RAPGEF4: variants seen among roughly 807,000 people sequenced by gnomAD.
RAPGEF4 encodes the protein Rap guanine nucleotide exchange factor 4.
Under a neutral mutation model 147.9 loss-of-function variants are expected in RAPGEF4, and 66 were observed. The ratio of observed to expected loss-of-function variants is 0.45; its 90% CI spans 0.37 to 0.55. The LOEUF (loss-of-function observed/expected upper bound fraction) is 0.55, where lower values mean the gene tolerates loss of function less well. Among genes scored for constraint, RAPGEF4 ranks in the 20% least tolerant of loss-of-function variants. The pLI, the probability that RAPGEF4 is intolerant of heterozygous loss-of-function variation, is 0.00. For synonymous variants in RAPGEF4, 419 were observed against 442.7 expected (o/e 0.95, Z 0.67); for missense variants, 1,071 against 1,257.3 (o/e 0.85, Z 2.24).
At chr2:172,835,000 A>G (rs533046763) in intron 4 of RAPGEF4, among the ~76,000 whole-genome samples, 31 of 152,270 alleles carry the variant, frequency 2.0e-4, no homozygotes, top group Admixed American at 3.9e-4. Flanking sequence ...TGAGCTATGT[A>G]GGAGTTTTTG....
chr2:172,801,625 CTAGA>C (rs1285231138), intron 3 of RAPGEF4, among the ~76,000 whole-genome samples: 3 of 150,882 alleles, frequency 2.0e-5, no homozygotes, highest in Non-Finnish European at 4.4e-5. Flanking sequence ...ATTTTAGAGG[CTAGA>C]TATTCAACAG....
chr2:172,890,419 G>A (rs774856881), intron 4 of RAPGEF4, among the ~76,000 whole-genome samples: 3 of 152,234 alleles, frequency 2.0e-5, no homozygotes, highest in African/African-American at 4.8e-5. Flanking sequence ...TCGCAAGGAA[G>A]TTAGGCTTTA....
chr2:172,882,640 G>A (rs748303168), intron 4 of RAPGEF4, among the ~76,000 whole-genome samples: 2 of 152,142 alleles, frequency 1.3e-5, no homozygotes, highest in African/African-American at 2.4e-5. Context: ...ACTTAGCATT[G>A]TCATTTCATC....
chr2:173,043,170 T>C (rs1292864847), intron 29 of RAPGEF4, among the ~76,000 whole-genome samples: 1 of 152,206 alleles, frequency 6.6e-6, no homozygotes, highest in African/African-American at 2.4e-5. Flanking sequence ...ATGGTGTAAA[T>C]GTGGTTTTAC....
At chr2:172,954,406 T>C (rs1482884323) in intron 6 of RAPGEF4, among the ~76,000 whole-genome samples, 3 of 152,186 alleles carry the variant, frequency 2.0e-5, no homozygotes, top group Non-Finnish European at 4.4e-5. Flanking sequence ...AAGCGACAAC[T>C]TTCAAGCTCT....
At chr2:173,048,790 G>A (rs1685824033) in intron 30 of RAPGEF4, 136 bp downstream of exon 30, 4 of 1,473,290 alleles carry the variant, frequency 2.7e-6, no homozygotes. Flanking sequence ...AATTCCATGA[G>A]ATAGGGGCCT....
At chr2:172,919,815 A>G (rs1684528390) in intron 5 of RAPGEF4, among the ~76,000 whole-genome samples, 1 of 151,936 alleles carries the variant, frequency 6.6e-6, no homozygotes, top group South Asian at 2.1e-4. Context: ...GTTTCTGACA[A>G]TTCCATTGTT....
rs749149135 is a variant in RAPGEF4 at position 173,020,662 on chromosome 2, C to G, written c.2200C>G (p.Leu734Val). 2 of 1,613,908 alleles carry G rather than the reference C, an allele frequency of 1.2e-6. No homozygotes were observed. The highest frequency in any genetic ancestry group is 1.7e-5 in the Admixed American group (1 of 59,952). Residue 734 changes from leucine to valine, a missense_variant, in exon 23 of 31, where the codon CTC becomes GTC. Leu to Val is a conservative substitution (Grantham distance 32). Transcript: ENST00000397081. ...KPNDVSVFTTLTINGRLFACP... is the reference protein window; with the variant it reads ...KPNDVSVFTTVTINGRLFACP... ...TAATGATGTTTCAGTATTTACGACGCTCACCATTAATGGACGCCTGTTTGC... is the reference window on the plus strand; with the variant it reads ...TAATGATGTTTCAGTATTTACGACGGTCACCATTAATGGACGCCTGTTTGC...
chr2:172,853,437 TATC>T (rs1258905609), intron 4 of RAPGEF4, among the ~76,000 whole-genome samples: 1 of 152,046 alleles, frequency 6.6e-6, no homozygotes, highest in African/African-American at 2.4e-5. Flanking sequence ...TTATTATAGT[TATC>T]ATCTTTTCAG....
intron 5 of RAPGEF4, among the ~76,000 whole-genome samples, chr2:172,919,921 C>T (rs964210380): frequency 1.3e-5 from 2 of 152,066 alleles, no homozygotes; most frequent in Admixed American, 6.6e-5. Flanking sequence ...CCTTCCTTTG[C>T]ATGTTCACAG....
Position 173,027,313 on chromosome 2 carries a change from T to A in RAPGEF4, c.2558+54T>A, listed in dbSNP as rs948404272. ...AAAAAATGTTGAGCTGTGTTTTCAT[T>A]TTGTTTTCTTAGACTACACCTTAAA... On this transcript the variant is annotated intron_variant, in intron 25 of 30. Transcript: ENST00000397081. The A allele has an allele frequency of 3.5e-6, 5 of 1,442,096 alleles. No individual in the cohort carries two copies. In the African/African-American group the frequency reaches 7.2e-5, roughly 21 times the overall value. The allele number at this position is 1,442,096 out of a possible 1,614,324, so 89.3% of individuals were successfully genotyped here. A position where few individuals can be genotyped will look rare whatever the true frequency, so the allele number is the denominator to read the frequency against.
Position 172,983,544 on chromosome 2 carries a change from T to C in RAPGEF4, c.1053T>C (p.Leu351=), listed in dbSNP as rs766358512. ...VDDLEIIYEE[L]LHIKALSHLS... ...ACCTAGAGATTATCTATGAGGAGCT[T>C]CTTCATATTAAAGCCTTATCCCATC... Residue 351 remains leucine, a synonymous_variant, in exon 11 of 31, where the codon CTT becomes CTC. Coordinates refer to ENST00000397081, the MANE Select transcript of RAPGEF4 (RefSeq NM_007023.4). 2.9e-5 allele frequency: 46 copies of C among 1,613,674 alleles called. No individual in the cohort carries two copies. The Admixed American group carries it at 7.5e-4, about 26-fold the overall frequency.
rs1686350522 is a variant in RAPGEF4, at chr2:173,052,619, G to A, written c.*852G>A. ...GAAAACATATTTTCTGGACTTAAAT[G>A]TTATTACAAATATCTTAATTTTCAG... is the stretch of plus-strand genomic sequence containing the variant. On this transcript the variant is annotated 3_prime_UTR_variant, in exon 31 of 31. Transcript: ENST00000397081. The A allele has an allele frequency of 1.3e-5, 2 of 152,534 alleles. No homozygotes were observed. Among genetic ancestry groups the A allele is most frequent in the Non-Finnish European group, 2.9e-5 (2 of 68,016 alleles). 9.4% of individuals were successfully genotyped at this position (152,534 alleles called of 1,614,324 possible). A position where few individuals can be genotyped will look rare whatever the true frequency, so the allele number is the denominator to read the frequency against.
chr2:172,997,695 G>A (rs1036010204), intron 16 of RAPGEF4, among the ~76,000 whole-genome samples: 3 of 151,860 alleles, frequency 2.0e-5, no homozygotes, highest in African/African-American at 7.3e-5. Flanking sequence ...TAATGTTGTG[G>A]GTTAATATTT....
chr2:172,876,462 C>T (rs1055857517), intron 4 of RAPGEF4, among the ~76,000 whole-genome samples: 22 of 152,062 alleles, frequency 1.4e-4, no homozygotes, highest in Non-Finnish European at 2.9e-4. Flanking sequence ...GCATGAAGGG[C>T]TGTTGAATTT....
intron 1 of RAPGEF4, among the ~76,000 whole-genome samples, chr2:172,750,389 A>T (rs1365648908): frequency 6.6e-6 from 1 of 152,048 alleles, no homozygotes; most frequent in Non-Finnish European, 1.5e-5. Flanking sequence ...AAGAGAGAGA[A>T]TTAGAACCAA....
chr2:172,903,646 G>C (rs555559967), intron 4 of RAPGEF4, among the ~76,000 whole-genome samples: 5 of 152,234 alleles, frequency 3.3e-5, no homozygotes, highest in South Asian at 4.2e-4. Context: ...TTCTTCTGTA[G>C]TTTACATTTT....
chr2:172,884,143 C>T (rs1696926644), intron 4 of RAPGEF4, among the ~76,000 whole-genome samples: 1 of 152,150 alleles, frequency 6.6e-6, no homozygotes, highest in Non-Finnish European at 1.5e-5. Flanking sequence ...CACCCCAGGA[C>T]CAGGGAGCCA....
chr2:172,848,241 A>C (rs1438935492), intron 4 of RAPGEF4, among the ~76,000 whole-genome samples: 1 of 152,176 alleles, frequency 6.6e-6, no homozygotes, highest in Non-Finnish European at 1.5e-5. Flanking sequence ...ATGACAGTGC[A>C]GTGACACCTG....
Sources: allele counts gnomAD v4.1 joint callset (sites outside exome capture counted in the v4.1 genomes callset), GRCh38; gene constraint gnomAD v4.1.1; transcripts MANE v1.5; gene names NCBI Gene and HGNC (gene_info 2026-07-23, HGNC 2026-07-21).